LOC128462377: variants seen among roughly 807,000 people sequenced by gnomAD.
At chr16:89,326,352 G>A in the LOC128462377 span, among the ~76,000 whole-genome samples, 17 of 152,086 alleles carry the variant, frequency 1.1e-4, no homozygotes, top group East Asian at 5.8e-4. Context: ...AGAGGAGGAC[G>A]GTCTGCAGAA....
the LOC128462377 span, among the ~76,000 whole-genome samples, chr16:89,332,641 T>C: frequency 6.6e-6 from 1 of 152,196 alleles, no homozygotes; most frequent in East Asian, 1.9e-4. Flanking sequence ...GTAATGGCTT[T>C]AGAAAAAAGC....
the LOC128462377 span, among the ~76,000 whole-genome samples, chr16:89,390,013 G>A: frequency 1.2e-5 from 1 of 86,110 alleles, no homozygotes; most frequent in African/African-American, 5.8e-5. Flanking sequence ...GATCACTGGG[G>A]CGAACACCGA....
At chr16:89,318,460 T>C in the LOC128462377 span, among the ~76,000 whole-genome samples, 7 of 152,250 alleles carry the variant, frequency 4.6e-5, no homozygotes, top group Non-Finnish European at 1.0e-4. Context: ...AGCACCTCTG[T>C]GCGCGACCAT....
chr16:89,319,792 G>C, the LOC128462377 span, among the ~76,000 whole-genome samples: 2 of 152,340 alleles, frequency 1.3e-5, no homozygotes, highest in South Asian at 4.1e-4. Context: ...TGCAGCACGC[G>C]GCCCACTCTA....
chr16:89,408,481 C>T, the LOC128462377 span, among the ~76,000 whole-genome samples: 2 of 152,226 alleles, frequency 1.3e-5, no homozygotes, highest in Admixed American at 6.5e-5. Context: ...GGCAAGTGGC[C>T]GACCCAGATT....
chr16:89,353,097 A>C, the LOC128462377 span, among the ~76,000 whole-genome samples: 2 of 152,170 alleles, frequency 1.3e-5, no homozygotes, highest in African/African-American at 4.8e-5. Context: ...TAATCCCAGC[A>C]CTTTGGGAGG....
At chr16:89,402,455 A>C in the LOC128462377 span, among the ~76,000 whole-genome samples, 12 of 152,104 alleles carry the variant, frequency 7.9e-5, no homozygotes, top group Non-Finnish European at 1.3e-4. Flanking sequence ...CGAGGCGGGA[A>C]GATCGGTTGA....
At chr16:89,399,889 G>C in the LOC128462377 span, among the ~76,000 whole-genome samples, 6 of 152,200 alleles carry the variant, frequency 3.9e-5, no homozygotes, top group African/African-American at 1.2e-4. Context: ...CACAGAATCG[G>C]CTCCCAGAGC....
the LOC128462377 span, among the ~76,000 whole-genome samples, chr16:89,406,020 G>C: frequency 4.8e-5 from 7 of 146,328 alleles, no homozygotes; most frequent in Admixed American, 2.9e-4. Flanking sequence ...TGAGGTGGGA[G>C]AATCACCTGA....
chr16:89,367,727 C>A, the LOC128462377 span, among the ~76,000 whole-genome samples: 1 of 152,242 alleles, frequency 6.6e-6, no homozygotes, highest in African/African-American at 2.4e-5. Context: ...CAGCTCCACG[C>A]ATCCCATCCT....
the LOC128462377 span, among the ~76,000 whole-genome samples, chr16:89,387,314 G>A: frequency 2.0e-5 from 3 of 152,044 alleles, no homozygotes; most frequent in African/African-American, 7.3e-5. Context: ...CGTCTGTGGT[G>A]AGGGGACAGC....
the LOC128462377 span, among the ~76,000 whole-genome samples, chr16:89,381,198 G>C: frequency 1.3e-5 from 2 of 152,104 alleles, no homozygotes; most frequent in South Asian, 4.2e-4. Context: ...TGGGCATGGT[G>C]GTGTGCACCG....
At chr16:89,414,927 T>A in the LOC128462377 span, among the ~76,000 whole-genome samples, 1 of 152,262 alleles carries the variant, frequency 6.6e-6, no homozygotes, top group South Asian at 2.1e-4. Context: ...ATGAAAAATA[T>A]CAGAGCACCT....
the LOC128462377 span, among the ~76,000 whole-genome samples, chr16:89,386,740 T>C: frequency 1.3e-5 from 2 of 152,208 alleles, no homozygotes; most frequent in Admixed American, 6.5e-5. Context: ...CCATTGACTG[T>C]TGGATTTCAT....
At chr16:89,367,909 T>C in the LOC128462377 span, among the ~76,000 whole-genome samples, 1 of 151,976 alleles carries the variant, frequency 6.6e-6, no homozygotes, top group African/African-American at 2.4e-5. Context: ...GAGGCTGAGG[T>C]GGGAGGATCA....
chr16:89,391,993 C>T, the LOC128462377 span, among the ~76,000 whole-genome samples: 1 of 152,152 alleles, frequency 6.6e-6, no homozygotes, highest in Admixed American at 6.5e-5. Flanking sequence ...GTGTTTTTAC[C>T]TTTCTCAGCA....
chr16:89,333,985 G>A, the LOC128462377 span, among the ~76,000 whole-genome samples: 6 of 151,742 alleles, frequency 4.0e-5, no homozygotes, highest in Non-Finnish European at 7.4e-5. Context: ...CTCAATCTGT[G>A]GTCAGATATA....
At chr16:89,417,840 C>G in the LOC128462377 span, among the ~76,000 whole-genome samples, 1 of 150,970 alleles carries the variant, frequency 6.6e-6, no homozygotes, top group African/African-American at 2.4e-5. Context: ...GACAACCAGG[C>G]AAGACCACCA....
the LOC128462377 span, among the ~76,000 whole-genome samples, chr16:89,384,375 A>C: frequency 6.6e-6 from 1 of 152,208 alleles, no homozygotes; most frequent in African/African-American, 2.4e-5. Context: ...TATGAAAAAT[A>C]CAAAAATTAG....
Sources: allele counts gnomAD v4.1 joint callset (sites outside exome capture counted in the v4.1 genomes callset), GRCh38; gene constraint gnomAD v4.1.1; transcripts MANE v1.5.